Variants in MYO16 observed in about 807,000 individuals in gnomAD.
MYO16 encodes the protein myosin XVI, also known as unconventional myosin-XVI.
Under a neutral mutation model 205.3 loss-of-function variants are expected in MYO16, and 94 were observed. That is an observed-to-expected ratio of 0.46 (90% CI 0.39 to 0.54). The LOEUF (loss-of-function observed/expected upper bound fraction) is 0.54. Among genes scored for constraint, MYO16 ranks in the 20% least tolerant of loss-of-function variants. The pLI, the probability that MYO16 is intolerant of heterozygous loss-of-function variation, is 0.00. For missense variants in MYO16, 2,315 were observed against 2,387.5 expected, an observed-to-expected ratio of 0.97 and a Z score of 0.63; for synonymous variants, 988 against 954.0, an observed-to-expected ratio of 1.04 and a Z score of -0.66.
At chr13:108,975,479 A>G (rs1884220538) in intron 20 of MYO16, among the ~76,000 whole-genome samples, 1 of 152,188 alleles carries the variant, frequency 6.6e-6, no homozygotes, top group Admixed American at 6.6e-5. Context: ...ATTGAGGTCA[A>G]CTTGGGCAGG....
chr13:109,040,708 G>A (rs1886859170), intron 23 of MYO16, among the ~76,000 whole-genome samples: 1 of 152,082 alleles, frequency 6.6e-6, no homozygotes, highest in Non-Finnish European at 1.5e-5. Context: ...GAATGGAAAA[G>A]ATAACCTGAA....
At chr13:109,126,885 T>C (rs188921308) in intron 30 of MYO16, among the ~76,000 whole-genome samples, 1 of 152,308 alleles carries the variant, frequency 6.6e-6, no homozygotes, top group East Asian at 1.9e-4. Context: ...TAACTCTCTA[T>C]TAAGATGGAT....
chr13:109,198,182 T>TA (rs57217476), intron 34 of MYO16, among the ~76,000 whole-genome samples: 37,711 of 152,038 alleles, frequency 0.25, 4,961 homozygotes, highest in African/African-American at 0.3. Context: ...TACAAAGACA[T>TA]AAAAAAATCT....
In MYO16 at chr13:108,676,318, C is replaced by T. The variant is rs935127649; in HGVS notation, c.292+10169C>T. 9.3e-5 allele frequency among the ~76,000 whole-genome samples: 14 copies of T among 151,056 alleles called. No individual in the cohort carries two copies. In the East Asian group the frequency reaches 1.2e-3, roughly 13 times the overall value. On this transcript the variant is annotated intron_variant, in intron 2 of 34. Coordinates refer to ENST00000457511, the MANE Select transcript of MYO16 (RefSeq NM_001198950.3). ...GGGAAAAATTTACATTATTAAGGAG[C>T]GCTGAGCAATATTTTTATTCATTGT...
rs1883583746 is a variant in MYO16, at chr13:108,961,601, T to C, written c.2100T>C (p.Thr700=). The C allele has an allele frequency of 1.2e-6, 2 of 1,614,080 alleles. No individual in the cohort carries two copies. Among genetic ancestry groups the C allele is most frequent in the African/African-American group, 2.7e-5 (2 of 74,942 alleles). The change falls in exon 18 of 35, where the codon ACT becomes ACC. Residue 700 remains threonine (T), a synonymous_variant. Coordinates refer to ENST00000457511, the MANE Select transcript of MYO16 (RefSeq NM_001198950.3). ...AILHLGDIRF[T]ALNEGNSAFV... ...TGCACCTTGGAGACATTCGGTTTACTGCCCTGAATGAGGGGAACTCCGCCT... is the reference window on the plus strand; with the variant it reads ...TGCACCTTGGAGACATTCGGTTTACCGCCCTGAATGAGGGGAACTCCGCCT...
chr13:109,079,533 G>A (rs554305469), intron 27 of MYO16, among the ~76,000 whole-genome samples: 1 of 152,140 alleles, frequency 6.6e-6, no homozygotes, highest in African/African-American at 2.4e-5. Flanking sequence ...CAAATACCAT[G>A]TGTTACCGCT....
chr13:108,683,314 A>G (rs1882539815), intron 2 of MYO16, among the ~76,000 whole-genome samples: 1 of 150,018 alleles, frequency 6.7e-6, no homozygotes, highest in Non-Finnish European at 1.5e-5. Context: ...CTGGCTTGTG[A>G]CAGGCTCACA....
At chr13:108,817,545 T>C (rs1282812159) in intron 7 of MYO16, among the ~76,000 whole-genome samples, 1 of 152,164 alleles carries the variant, frequency 6.6e-6, no homozygotes, top group Non-Finnish European at 1.5e-5. Flanking sequence ...CTGTTGGTGA[T>C]GAGAAATGTT....
chr13:108,582,352 C>T, the MYO16 span, among the ~76,000 whole-genome samples: 2 of 152,168 alleles, frequency 1.3e-5, no homozygotes, highest in African/African-American at 4.8e-5. Context: ...TGTATGAGTT[C>T]AGTCCGTTCC....
chr13:108,745,309 T>C (rs1885025405), intron 4 of MYO16, among the ~76,000 whole-genome samples: 1 of 152,034 alleles, frequency 6.6e-6, no homozygotes, highest in Admixed American at 6.6e-5. Flanking sequence ...GGGGCCACAG[T>C]CTTAGGGGGC....
At chr13:108,715,193 TG>T (rs1287876440) in intron 3 of MYO16, among the ~76,000 whole-genome samples, 1 of 152,214 alleles carries the variant, frequency 6.6e-6, no homozygotes, top group Non-Finnish European at 1.5e-5. Context: ...CCTTCAGCGC[TG>T]GCCCGTGCTC....
chr13:108,706,318 A>C (rs1704111975), intron 2 of MYO16, among the ~76,000 whole-genome samples: 1 of 152,182 alleles, frequency 6.6e-6, no homozygotes, highest in Non-Finnish European at 1.5e-5. Context: ...ATCCAGGGTA[A>C]TATATTGAGA....
the MYO16 span, among the ~76,000 whole-genome samples, chr13:108,523,318 A>G: frequency 3.9e-5 from 6 of 152,290 alleles, no homozygotes; most frequent in South Asian, 8.3e-4. Context: ...CCTGGAGCCA[A>G]TGGAAACTGA....
chr13:108,543,190 C>A, the MYO16 span, among the ~76,000 whole-genome samples: 4 of 151,860 alleles, frequency 2.6e-5, no homozygotes, highest in South Asian at 2.1e-4. Context: ...AAGAATAATT[C>A]TTTGATGGTT....
chr13:108,882,129 G>T (rs1002081358), intron 12 of MYO16, among the ~76,000 whole-genome samples: 2 of 152,124 alleles, frequency 1.3e-5, no homozygotes, highest in African/African-American at 4.8e-5. Flanking sequence ...TACTTTTCTG[G>T]CATGTGGTCC....
intron 32 of MYO16, among the ~76,000 whole-genome samples, chr13:109,147,411 G>A (rs1877393753): frequency 6.6e-6 from 1 of 152,162 alleles, no homozygotes; most frequent in South Asian, 2.1e-4. Context: ...GACGGTGTGT[G>A]CAAATTGCTA....
chr13:109,203,900 A>G (rs570947418), intron 34 of MYO16, among the ~76,000 whole-genome samples: 2 of 152,344 alleles, frequency 1.3e-5, no homozygotes, highest in East Asian at 3.9e-4. Context: ...ATGGCTGTGC[A>G]TTTGAGGACC....
chr13:108,959,767 C>T (rs943772742), intron 17 of MYO16, among the ~76,000 whole-genome samples: 7 of 152,226 alleles, frequency 4.6e-5, no homozygotes, highest in South Asian at 4.1e-4. Context: ...TACACAGAGA[C>T]GCAGAAGCAC....
chr13:109,103,341 G>A (rs769097633), intron 28 of MYO16, among the ~76,000 whole-genome samples: 1 of 152,166 alleles, frequency 6.6e-6, no homozygotes, highest in Non-Finnish European at 1.5e-5. Flanking sequence ...GGTTGTATCG[G>A]ATGGTTATTC....
Sources: gnomAD v4.1 joint callset for allele counts (sites outside exome capture counted in the v4.1 genomes callset) on GRCh38, gnomAD v4.1.1 for gene constraint, MANE v1.5 for transcripts, NCBI Gene and HGNC (gene_info 2026-07-23, HGNC 2026-07-21) for gene names.